The following KCNQ1 variants were observed in gnomAD, a reference collection of about 807,000 sequenced individuals.
The protein encoded by KCNQ1 is potassium voltage-gated channel subfamily Q member 1.
A neutral mutation model predicts 72.4 loss-of-function variants in KCNQ1; 49 were observed. The observed-to-expected ratio is 0.68, with a 90% CI of 0.54 to 0.86. KCNQ1 has a LOEUF of 0.86. KCNQ1 is among the 40% of genes least tolerant of loss of function. KCNQ1 has a pLI of 0.00. For synonymous variants in KCNQ1, 450 were observed against 412.6 expected, an observed-to-expected ratio of 1.09 and a Z score of -1.10; for missense variants, 790 against 945.1, an observed-to-expected ratio of 0.84 and a Z score of 2.15.
At chr11:2,489,072 C>A (rs1473273821) in intron 1 of KCNQ1, among the ~76,000 whole-genome samples, 1 of 152,158 alleles carries the variant, frequency 6.6e-6, no homozygotes, top group African/African-American at 2.4e-5. Context: ...CAAAAAAGCA[C>A]CTTCATAAGA....
At chr11:2,834,024 G>A (rs115096036) in intron 15 of KCNQ1, among the ~76,000 whole-genome samples, 2,146 of 152,354 alleles carry the variant, frequency 0.014, 31 homozygotes, top group Non-Finnish European at 0.021. Context: ...GTGCAGCCAG[G>A]GGCTGGCTCC....
intron 15 of KCNQ1, among the ~76,000 whole-genome samples, chr11:2,802,089 C>T (rs954053616): frequency 6.6e-6 from 1 of 152,244 alleles, no homozygotes; most frequent in Non-Finnish European, 1.5e-5. Context: ...CCCAGACTCA[C>T]ACCGGCCCAG....
rs987793935 is a variant in KCNQ1, at chr11:2,698,445, C to T, written c.1514+36364C>T. ...TTCAAGCCTACTACCCAGACTGAGA[C>T]CTGCATCTGATCAACTCTCATCTCC... On this transcript the variant is annotated intron_variant, in intron 11 of 15. Coordinates refer to ENST00000155840, the MANE Select transcript of KCNQ1 (RefSeq NM_000218.3). The surrounding 1 kb of genome is among the most constrained non-coding windows in gnomAD (Gnocchi z 5.1). 1.8e-4 allele frequency: 30 copies of T among 169,956 alleles called. No individual in the cohort carries two copies. Among genetic ancestry groups the T allele is most frequent in the African/African-American group, 1.4e-3 (26 of 18,094 alleles). The allele number at this position is 169,956 out of a possible 1,614,324, so 10.5% of individuals were successfully genotyped here.
chr11:2,658,909 T>C lies in KCNQ1; in HGVS notation c.1394-3052T>C, dbSNP rs986553990. ...ACCCTATTGTACACGTAGTACCCTA[T>C]GTGAAGCAAATTTACCTACTAGATT... On this transcript the variant is annotated intron_variant, in intron 10 of 15. Coordinates refer to ENST00000155840, the MANE Select transcript of KCNQ1 (RefSeq NM_000218.3). This position sits in a 1 kb window ranked among gnomAD's most constrained non-coding sequence, Gnocchi z 4.9. 2.3e-5 allele frequency: 9 copies of C among 398,484 alleles called. No individual in the cohort carries two copies. Among genetic ancestry groups the C allele is most frequent in the Non-Finnish European group, 3.1e-5 (7 of 226,052 alleles). 24.7% of individuals were successfully genotyped at this position (398,484 alleles called of 1,614,324 possible).
intron 10 of KCNQ1, chr11:2,635,426 T>G (rs979212365): frequency 7.2e-5 from 11 of 152,248 alleles, no homozygotes; most frequent in Non-Finnish European, 1.0e-4. Flanking sequence ...CAGCACCATT[T>G]ATTAAATAGG....
chr11:2,565,280 G>GCA lies in KCNQ1; in HGVS notation c.478-5346_478-5345dup, dbSNP rs1848231571. On this transcript the variant is annotated intron_variant, in intron 2 of 15. Coordinates refer to ENST00000155840, the MANE Select transcript of KCNQ1 (RefSeq NM_000218.3). This position sits in a 1 kb window ranked among gnomAD's most constrained non-coding sequence, Gnocchi z 5.6. The stretch of plus-strand genomic sequence containing the variant: ...TCCCAACTTCTCCGGATCCTTGGGA[G>GCA]CACTTGTCACTCTGTTTGGGGTGGC... 6.6e-6 allele frequency among the ~76,000 whole-genome samples: 1 copy of GCA among 152,154 alleles called. No individual in the cohort carries two copies. Among genetic ancestry groups the GCA allele is most frequent in the Admixed American group, 6.5e-5 (1 of 15,276 alleles).
intron 2 of KCNQ1, among the ~76,000 whole-genome samples, chr11:2,528,981 G>A (rs1303768664): frequency 6.6e-6 from 1 of 152,194 alleles, no homozygotes; most frequent in African/African-American, 2.4e-5. Flanking sequence ...CTCACCTGTG[G>A]TTTCCTCCAG....
intron 1 of KCNQ1, among the ~76,000 whole-genome samples, chr11:2,511,200 G>A (rs1847195734): frequency 6.6e-6 from 1 of 152,202 alleles, no homozygotes; most frequent in African/African-American, 2.4e-5. Context: ...CTTGTGGGAT[G>A]CACCTTGGGT....
intron 15 of KCNQ1, among the ~76,000 whole-genome samples, chr11:2,797,287 G>A (rs1157666327): frequency 6.6e-6 from 1 of 152,182 alleles, no homozygotes; most frequent in African/African-American, 2.4e-5. Context: ...AGCCAGGAAC[G>A]GGCCCCAACC....
intron 10 of KCNQ1, chr11:2,655,945 C>T (rs12806930): frequency 2.5e-6 from 1 of 398,744 alleles, no homozygotes. Context: ...ACATTCCTCT[C>T]TGGCAGGTGC....
At position 2,648,608 on chromosome 11, in the gene KCNQ1, A is replaced by C. The variant is rs1357448232; in HGVS notation, c.1394-13353A>C. 3 of 398,324 alleles carry C rather than the reference A, an allele frequency of 7.5e-6. No individual in the cohort carries two copies. In the Admixed American group the frequency reaches 1.3e-4, roughly 18 times the overall value. The allele number at this position is 398,324 out of a possible 1,614,324, so 24.7% of individuals were successfully genotyped here. ...GAAGTTCCTCTTGTTATTGATTTCC[A>C]GTTTTATTCCATTGTGGTCTGAGAA... On this transcript the variant is annotated intron_variant, in intron 10 of 15. Transcript: ENST00000155840.
rs556364715 is a variant in KCNQ1 at position 2,686,666 on chromosome 11, T to C, written c.1514+24585T>C. ...CACAGAGCATGGCCGCTGGATCAAG[T>C]GTGGGTCCCAGTTGGATGACAAACC... On this transcript the variant is annotated intron_variant, in intron 11 of 15. Transcript: ENST00000155840. 5 of 398,604 alleles carry C rather than the reference T, an allele frequency of 1.3e-5. No individual in the cohort carries two copies. In the South Asian group the frequency reaches 3.8e-4, roughly 30 times the overall value. The allele number at this position is 398,604 out of a possible 1,614,324, so 24.7% of individuals were successfully genotyped here.
In KCNQ1 at chr11:2,632,196, A is replaced by AG. The variant is rs1849368119; in HGVS notation, c.1394-29765_1394-29764insG. 1.0e-5 allele frequency: 4 copies of AG among 397,940 alleles called. No individual in the cohort carries two copies. The East Asian group carries it at 1.4e-4, about 14-fold the overall frequency. The allele number at this position is 397,940 out of a possible 1,614,324, so 24.7% of individuals were successfully genotyped here. ...AGACTCTGCCTCAAAAAAAAAAAAA[A>AG]AAAAAAAGAAATGCAACTGAATTTT... On this transcript the variant is annotated intron_variant, in intron 10 of 15. Coordinates refer to ENST00000155840, the MANE Select transcript of KCNQ1 (RefSeq NM_000218.3).
chr11:2,513,077 C>G lies in KCNQ1; in HGVS notation c.387-14851C>G, dbSNP rs556789719. On this transcript the variant is annotated intron_variant, in intron 1 of 15. Coordinates refer to ENST00000155840, the MANE Select transcript of KCNQ1 (RefSeq NM_000218.3). Reference sequence around the variant, plus strand: ...AGAGCGGTCCTTGGAGGAGAGAGCTCCCGAGGAGAAAGCCATGATGCTGTG... The same window carrying G: ...AGAGCGGTCCTTGGAGGAGAGAGCTGCCGAGGAGAAAGCCATGATGCTGTG... Among the ~76,000 whole-genome samples the G allele has an allele frequency of 1.6e-3, 247 of 152,166 alleles. 3 individuals are homozygous for G. The highest frequency in any genetic ancestry group is 4.1e-3 in the South Asian group (20 of 4,822).
chr11:2,696,676 G>T, intron 11 of KCNQ1: 1 of 398,588 alleles, frequency 2.5e-6, no homozygotes, highest in Non-Finnish European at 4.4e-6. Context: ...ATGCCAAGTT[G>T]CCCTGTTCAA....
chr11:2,767,814 G>T lies in KCNQ1; in HGVS notation c.1515-1030G>T, dbSNP rs1353184558. Among the ~76,000 whole-genome samples the T allele has an allele frequency of 6.6e-6, 1 of 152,222 alleles. No individual in the cohort carries two copies. The highest frequency in any genetic ancestry group is 2.4e-5 in the African/African-American group (1 of 41,462). ...ATTCTCACCCACCCGTGTGGCTTAG[G>T]AATTCACAAGTGTTTCCAGAGGAAG... On this transcript the variant is annotated intron_variant, in intron 11 of 15. Transcript: ENST00000155840. The surrounding 1 kb of genome is among the most constrained non-coding windows in gnomAD (Gnocchi z 4.6).
chr11:2,553,280 T>A (rs1204815983), intron 2 of KCNQ1, among the ~76,000 whole-genome samples: 1 of 152,186 alleles, frequency 6.6e-6, no homozygotes, highest in Non-Finnish European at 1.5e-5. Context: ...ATTTATTTCT[T>A]GTTTTTACTT....
chr11:2,793,862 C>T (rs1346558953), intron 15 of KCNQ1, among the ~76,000 whole-genome samples: 1 of 152,266 alleles, frequency 6.6e-6, no homozygotes, highest in East Asian at 1.9e-4. Flanking sequence ...CATAGTGACC[C>T]GTAATTACAT....
rs1847537165 is a variant in KCNQ1, at chr11:2,813,547, A to G, written c.1795-34220A>G. The stretch of plus-strand genomic sequence containing the variant: ...CCCTGTCTCTATGGTCCCCTCCTTG[A>G]TCTGGAGCCATTCAGCCACATGGAG... On this transcript the variant is annotated intron_variant, in intron 15 of 15. Coordinates refer to ENST00000155840, the MANE Select transcript of KCNQ1 (RefSeq NM_000218.3). The surrounding 1 kb of genome is among the most constrained non-coding windows in gnomAD (Gnocchi z 4.4). Among the ~76,000 whole-genome samples the G allele has an allele frequency of 6.6e-6, 1 of 151,774 alleles. No homozygotes were observed. Among genetic ancestry groups the G allele is most frequent in the Non-Finnish European group, 1.5e-5 (1 of 67,964 alleles).
Sources: gnomAD v4.1 joint callset for allele counts (sites outside exome capture counted in the v4.1 genomes callset) on GRCh38, gnomAD v4.1.1 for gene constraint, Gnocchi (gnomAD v3.1) non-coding constraint, MANE v1.5 for transcripts, NCBI Gene and HGNC (gene_info 2026-07-23, HGNC 2026-07-21) for gene names.